The following DUSP22 variants were observed in gnomAD, a reference collection of about 807,000 sequenced individuals.
The protein encoded by DUSP22 is dual specificity phosphatase 22, also known as dual specificity protein phosphatase 22.
In DUSP22, 24 loss-of-function variants were observed where a neutral mutation model predicts 24.5. The ratio of observed to expected loss-of-function variants is 0.98; its 90% CI spans 0.71 to 1.38. DUSP22 has a LOEUF of 1.38. Among genes scored for constraint, DUSP22 ranks in the 40% most tolerant of loss-of-function variants. DUSP22 has a pLI of 0.00. For missense variants in DUSP22, 330 were observed against 269.2 expected (o/e 1.23, Z -1.58); for synonymous variants, 160 against 106.4 (o/e 1.50, Z -3.10).
rs1055944273 is a variant in DUSP22 at position 349,516 on chromosome 6, G to C, written c.*565G>C. The C allele has an allele frequency of 1.0e-5, 10 of 992,780 alleles. No homozygotes were observed. Among genetic ancestry groups the C allele is most frequent in the Non-Finnish European group, 1.1e-5 (9 of 834,926 alleles). The allele number at this position is 992,780 out of a possible 1,614,324, so 61.5% of individuals were successfully genotyped here. Reference sequence around the variant, plus strand: ...CTCTGAGCAGACCGTGAGAACTCAGGGGACGAGTGGCTAAGAGCATGGCCT... The same window carrying C: ...CTCTGAGCAGACCGTGAGAACTCAGCGGACGAGTGGCTAAGAGCATGGCCT... On this transcript the variant is annotated 3_prime_UTR_variant, in exon 7 of 7. Transcript: ENST00000419235.
rs1019072087 is a variant in DUSP22 at position 303,123 on chromosome 6, A to T, written c.22-1505A>T. The stretch of plus-strand genomic sequence containing the variant: ...TCTCTAGTGTCTACTGCCACATCCT[A>T]AAAAAGGCAGGAGAGACCCTCGGGA... On this transcript the variant is annotated intron_variant, in intron 1 of 6. Coordinates refer to ENST00000419235, the MANE Select transcript of DUSP22 (RefSeq NM_001286555.3). 2.0e-5 allele frequency among the ~76,000 whole-genome samples: 3 copies of T among 152,304 alleles called. No homozygotes were observed. In the East Asian group the frequency reaches 5.8e-4, roughly 29 times the overall value.
At chr6:328,065 T>C (rs2127408523) in intron 3 of DUSP22, among the ~76,000 whole-genome samples, 1 of 152,428 alleles carries the variant, frequency 6.6e-6, no homozygotes. Flanking sequence ...TTTTCCCTGG[T>C]GATACGTACA....
intron 3 of DUSP22, among the ~76,000 whole-genome samples, chr6:333,003 G>A (rs1185482282): frequency 6.6e-6 from 1 of 152,308 alleles, no homozygotes; most frequent in African/African-American, 2.4e-5. Flanking sequence ...CAATGTATGT[G>A]CATCTATACC....
At chr6:297,790 T>C (rs1269795541) in intron 1 of DUSP22, among the ~76,000 whole-genome samples, 1 of 152,302 alleles carries the variant, frequency 6.6e-6, no homozygotes, top group African/African-American at 2.4e-5. Flanking sequence ...TCTGTTTTCA[T>C]ACGGGAAGGG....
chr6:304,938 A>G (rs932330394), intron 2 of DUSP22, among the ~76,000 whole-genome samples: 10 of 152,422 alleles, frequency 6.6e-5, no homozygotes, highest in African/African-American at 2.4e-4. Context: ...TCTTAGTGAA[A>G]TCATGCAGTA....
chr6:335,412 G>A (rs1286639033), intron 4 of DUSP22, among the ~76,000 whole-genome samples: 1 of 152,304 alleles, frequency 6.6e-6, no homozygotes, highest in Non-Finnish European at 1.5e-5. Flanking sequence ...CACAAGAAGG[G>A]TCTGATGTTT....
At chr6:331,243 C>G (rs1188249310) in intron 3 of DUSP22, among the ~76,000 whole-genome samples, 1 of 152,306 alleles carries the variant, frequency 6.6e-6, no homozygotes, top group Non-Finnish European at 1.5e-5. Flanking sequence ...GTGGAAAGTG[C>G]TGAATTCTTA....
chr6:312,462 A>C (rs1397600717), intron 3 of DUSP22, among the ~76,000 whole-genome samples: 2 of 152,300 alleles, frequency 1.3e-5, no homozygotes, highest in Admixed American at 6.5e-5. Flanking sequence ...GTTGTGTTTT[A>C]GGTTTTCGGG....
rs2127393328 is a variant in DUSP22, at chr6:304,673, C to CT, written c.55+18dup. On this transcript the variant is annotated intron_variant, in intron 2 of 6. Transcript: ENST00000419235. ...CGGCAACTTCAAAGGTGAGTTCTTG[C>CT]TTTTTTATTGTTGTGATAAAATACA... The CT allele has an allele frequency of 6.2e-7, 1 of 1,614,162 alleles. No homozygotes were observed. Among genetic ancestry groups the CT allele is most frequent in the Non-Finnish European group, 8.5e-7 (1 of 1,179,948 alleles).
chr6:299,314 C>G (rs571836689), intron 1 of DUSP22, among the ~76,000 whole-genome samples: 44 of 152,414 alleles, frequency 2.9e-4, no homozygotes, highest in African/African-American at 1.0e-3. Flanking sequence ...TAAATCGTCT[C>G]TCTGCTGGAA....
intron 4 of DUSP22, among the ~76,000 whole-genome samples, chr6:341,892 G>A (rs1044709919): frequency 3.3e-5 from 5 of 152,308 alleles, no homozygotes; most frequent in Non-Finnish European, 7.3e-5. Flanking sequence ...GATGGTGCCA[G>A]GCTGAGCACA....
At chr6:302,014 G>A (rs1361526592) in intron 1 of DUSP22, among the ~76,000 whole-genome samples, 1 of 152,298 alleles carries the variant, frequency 6.6e-6, no homozygotes, top group Non-Finnish European at 1.5e-5. Context: ...TCTGTTTTCC[G>A]AATAATCCCT....
intron 4 of DUSP22, among the ~76,000 whole-genome samples, chr6:341,231 T>C (rs530541825): frequency 5.2e-5 from 8 of 152,424 alleles, no homozygotes; most frequent in East Asian, 1.9e-4. Flanking sequence ...CTCTGTGGAC[T>C]GAGCCTATTC....
chr6:338,547 G>A (rs1218276683), intron 4 of DUSP22, among the ~76,000 whole-genome samples: 4 of 152,294 alleles, frequency 2.6e-5, no homozygotes, highest in South Asian at 2.1e-4. Flanking sequence ...ACAAATATTC[G>A]TATTTCTCTA....
intron 1 of DUSP22, among the ~76,000 whole-genome samples, chr6:293,608 G>A (rs1475214080): frequency 6.6e-6 from 1 of 152,294 alleles, no homozygotes. Context: ...TGGGTCAGCA[G>A]TGGTTTGGGT....
Position 349,574 on chromosome 6 carries a change from G to A in DUSP22, c.*623G>A. 1 of 989,124 alleles carries A rather than the reference G, an allele frequency of 1.0e-6. No individual in the cohort carries two copies. The highest frequency in any genetic ancestry group is 1.2e-6 in the Non-Finnish European group (1 of 832,706). The allele number at this position is 989,124 out of a possible 1,614,324, so 61.3% of individuals were successfully genotyped here. A position where few individuals can be genotyped will look rare whatever the true frequency, so the allele number is the denominator to read the frequency against. On this transcript the variant is annotated 3_prime_UTR_variant, in exon 7 of 7. Transcript: ENST00000419235. Reference sequence around the variant, plus strand: ...AACCCACCCAGGGTGGTGTGGTGGGGGCAACAGGGGCCAGACTCCTCTAGA... The same window carrying A: ...AACCCACCCAGGGTGGTGTGGTGGGAGCAACAGGGGCCAGACTCCTCTAGA...
intron 1 of DUSP22, among the ~76,000 whole-genome samples, chr6:295,185 A>G (rs762879014): frequency 1.1e-4 from 17 of 152,298 alleles, no homozygotes; most frequent in Non-Finnish European, 1.9e-4. Flanking sequence ...TGGAACTAAC[A>G]TAACTTGGAA....
In DUSP22 at chr6:324,600, C is replaced by T. The variant is rs993943655; in HGVS notation, c.139-10514C>T. Among the ~76,000 whole-genome samples, 8 of 152,430 alleles carry T rather than the reference C, an allele frequency of 5.2e-5. No individual in the cohort carries two copies. In the East Asian group the frequency reaches 7.7e-4, roughly 15 times the overall value. On this transcript the variant is annotated intron_variant, in intron 3 of 6. Coordinates refer to ENST00000419235, the MANE Select transcript of DUSP22 (RefSeq NM_001286555.3). ...TGGCACTCACCACGTCCAGCCTTTG[C>T]GTGTCTTGAGCCTCAGCCCTGCCCA...
intron 1 of DUSP22, among the ~76,000 whole-genome samples, chr6:296,828 C>G (rs1280002123): frequency 6.6e-6 from 1 of 152,300 alleles, no homozygotes; most frequent in African/African-American, 2.4e-5. Flanking sequence ...TATGAGGACC[C>G]TCTGGTTGGC....
Sources: allele counts gnomAD v4.1 joint callset (sites outside exome capture counted in the v4.1 genomes callset), GRCh38; gene constraint gnomAD v4.1.1; transcripts MANE v1.5; gene names NCBI Gene and HGNC (gene_info 2026-07-23, HGNC 2026-07-21).